NEGR1: variants seen among roughly 807,000 people sequenced by gnomAD.
The protein encoded by NEGR1 is IgLON family member 4.
NEGR1 carries 10 observed loss-of-function variants against 40.9 expected under a neutral mutation model. That is an observed-to-expected ratio of 0.24 (90% CI 0.15 to 0.42). The LOEUF is 0.42. Among genes scored for constraint, NEGR1 ranks in the 10% least tolerant of loss-of-function variants. NEGR1 has a pLI of 1.00. For synonymous variants in NEGR1, 185 were observed against 166.8 expected, an observed-to-expected ratio of 1.11 and a Z score of -0.84; for missense variants, 352 against 438.9, an observed-to-expected ratio of 0.80 and a Z score of 1.77.
At chr1:71,588,889 A>G (rs1033623889) in intron 6 of NEGR1, among the ~76,000 whole-genome samples, 19 of 152,164 alleles carry the variant, frequency 1.2e-4, no homozygotes, top group Admixed American at 9.8e-4. Flanking sequence ...GCTCATATAC[A>G]CACAGCCATT....
At chr1:71,408,070 G>A (rs1646289644) in intron 6 of NEGR1, among the ~76,000 whole-genome samples, 1 of 151,956 alleles carries the variant, frequency 6.6e-6, no homozygotes, top group Non-Finnish European at 1.5e-5. Context: ...TTATAATACA[G>A]AATATTAGAG....
intron 2 of NEGR1, among the ~76,000 whole-genome samples, chr1:71,842,229 G>T (rs942729548): frequency 6.6e-6 from 1 of 152,114 alleles, no homozygotes; most frequent in African/African-American, 2.4e-5. Flanking sequence ...GGCTATTCTG[G>T]CTTGTTAGAC....
chr1:71,882,539 C>G (rs1660610525), intron 2 of NEGR1, among the ~76,000 whole-genome samples: 2 of 152,016 alleles, frequency 1.3e-5, no homozygotes, highest in Non-Finnish European at 2.9e-5. Flanking sequence ...AACACTGAAT[C>G]TTTCATGGCT....
chr1:71,577,624 A>G (rs1306653033), intron 6 of NEGR1, among the ~76,000 whole-genome samples: 2 of 152,332 alleles, frequency 1.3e-5, no homozygotes, highest in Admixed American at 6.5e-5. Flanking sequence ...TCAAAATGTT[A>G]TAATAGGTTC....
intron 4 of NEGR1, among the ~76,000 whole-genome samples, chr1:71,696,992 T>C (rs573571649): frequency 1.3e-5 from 2 of 151,972 alleles, no homozygotes; most frequent in African/African-American, 4.8e-5. Context: ...TGTTAGTTGA[T>C]GACAGTGATT....
chr1:71,618,843 G>A lies in NEGR1; in HGVS notation c.668-7697C>T, dbSNP rs186622631. ...TTTTCCAAACTTATGTGGTCACAGC[G>A]TTCTATAAGGTTTTATTTGAGCATT... On this transcript the variant is annotated intron_variant, in intron 4 of 6. Coordinates refer to ENST00000357731, the MANE Select transcript of NEGR1 (RefSeq NM_173808.3). Among the ~76,000 whole-genome samples, 167 of 152,146 alleles carry A rather than the reference G, an allele frequency of 1.1e-3. 1 individual carries two copies. Among genetic ancestry groups the A allele is most frequent in the African/African-American group, 3.7e-3 (153 of 41,520 alleles).
intron 3 of NEGR1, among the ~76,000 whole-genome samples, chr1:71,725,572 C>G (rs1654642691): frequency 6.6e-6 from 1 of 152,022 alleles, no homozygotes; most frequent in Non-Finnish European, 1.5e-5. Context: ...CTATTTTAAG[C>G]AACTGTTATT....
chr1:72,081,915 A>G (rs1333142970), intron 1 of NEGR1, among the ~76,000 whole-genome samples: 3 of 152,126 alleles, frequency 2.0e-5, no homozygotes, highest in Non-Finnish European at 4.4e-5. Flanking sequence ...CTTTAATGCG[A>G]ATGACTGTAT....
intron 6 of NEGR1, chr1:71,488,121 G>T (rs1569935936): frequency 6.6e-6 from 1 of 152,050 alleles, no homozygotes; most frequent in East Asian, 1.9e-4. Flanking sequence ...TGGTGTGTGG[G>T]TCCCTTTTGC....
intron 1 of NEGR1, among the ~76,000 whole-genome samples, chr1:72,091,898 CGT>C (rs150316693): frequency 6.6e-6 from 1 of 151,082 alleles, no homozygotes; most frequent in Non-Finnish European, 1.5e-5. Context: ...CCTCACATAA[CGT>C]GTGTGTGTGT....
intron 2 of NEGR1, among the ~76,000 whole-genome samples, chr1:71,780,001 TCCC>T (rs1656649213): frequency 8.1e-6 from 1 of 123,406 alleles, no homozygotes; most frequent in Non-Finnish European, 1.6e-5. Context: ...TTTTGGATGG[TCCC>T]AGGGCGCATC....
Position 71,403,821 on chromosome 1 carries a change from T to C in NEGR1, c.*3625A>G, listed in dbSNP as rs1646260188. ...AGGTTATGAAATATGGATGTTTTAC[T>C]AAAAGACAGGAAGAGCTTTTTCCAG... On this transcript the variant is annotated 3_prime_UTR_variant, in exon 7 of 7. Transcript: ENST00000357731. 2.6e-6 allele frequency: 1 copy of C among 381,310 alleles called. No individual in the cohort carries two copies. The highest frequency in any genetic ancestry group is 4.7e-6 in the Non-Finnish European group (1 of 213,538). The allele number at this position is 381,310 out of a possible 1,614,324, so 23.6% of individuals were successfully genotyped here.
At chr1:71,807,882 A>G (rs1657837139) in intron 2 of NEGR1, among the ~76,000 whole-genome samples, 1 of 152,178 alleles carries the variant, frequency 6.6e-6, no homozygotes, top group African/African-American at 2.4e-5. Flanking sequence ...CTGTTTTCAT[A>G]AATATAAAAA....
chr1:71,612,220 T>TCAAAA (rs969072805), intron 4 of NEGR1, among the ~76,000 whole-genome samples: 1 of 152,176 alleles, frequency 6.6e-6, no homozygotes, highest in Admixed American at 6.5e-5. Flanking sequence ...AGACTCCGTC[T>TCAAAA]CAAAACAAAA....
chr1:71,682,064 C>G (rs955536167), intron 4 of NEGR1, among the ~76,000 whole-genome samples: 2 of 152,060 alleles, frequency 1.3e-5, no homozygotes, highest in Non-Finnish European at 2.9e-5. Flanking sequence ...TGGCCTCAAG[C>G]GATCCACCCA....
chr1:71,986,649 T>G (rs1313081612), intron 1 of NEGR1, among the ~76,000 whole-genome samples: 1 of 151,952 alleles, frequency 6.6e-6, no homozygotes, highest in Non-Finnish European at 1.5e-5. Flanking sequence ...GAAATCAGGT[T>G]GGTGTTTCAA....
At chr1:71,899,098 C>A (rs1460513798) in intron 2 of NEGR1, among the ~76,000 whole-genome samples, 6 of 147,800 alleles carry the variant, frequency 4.1e-5, no homozygotes, top group Non-Finnish European at 6.0e-5. Context: ...CAGCAAAATT[C>A]TTTTAAGGAA....
chr1:71,790,651 C>T (rs1168060818), intron 2 of NEGR1, among the ~76,000 whole-genome samples: 1 of 151,844 alleles, frequency 6.6e-6, no homozygotes, highest in Non-Finnish European at 1.5e-5. Flanking sequence ...AAGAAGTATC[C>T]TAACAATAAA....
At chr1:72,097,193 C>T (rs1215278246) in intron 1 of NEGR1, among the ~76,000 whole-genome samples, 1 of 152,138 alleles carries the variant, frequency 6.6e-6, no homozygotes, top group Non-Finnish European at 1.5e-5. Context: ...AACCCACTGC[C>T]ACCACCATCT....
Sources: allele counts gnomAD v4.1 joint callset (sites outside exome capture counted in the v4.1 genomes callset), GRCh38; gene constraint gnomAD v4.1.1; transcripts MANE v1.5; gene names NCBI Gene and HGNC (gene_info 2026-07-23, HGNC 2026-07-21).